Variants in ZC3H12B observed in about 807,000 individuals in gnomAD.
ZC3H12B encodes the protein zinc finger CCCH-type containing 12B, also known as probable ribonuclease ZC3H12B.
ZC3H12B carries 7 observed loss-of-function variants against 43.9 expected under a neutral mutation model. That is an observed-to-expected ratio of 0.16 (90% confidence interval 0.09 to 0.30). The LOEUF (loss-of-function observed/expected upper bound fraction) is 0.30, where lower values mean the gene tolerates loss of function less well. Ranked by LOEUF, ZC3H12B falls within the 10% of genes least tolerant of loss-of-function variation. The pLI is 1.00. For synonymous variants in ZC3H12B, 222 were observed against 241.7 expected (o/e 0.92, Z 0.76); for missense variants, 475 against 670.2 (o/e 0.71, Z 3.22).
At chrX:65,097,727 G>C in the ZC3H12B span, among the ~76,000 whole-genome samples, 1 of 111,988 alleles carries the variant, frequency 8.9e-6, no homozygotes, top group Admixed American at 9.5e-5. Context: ...GAATAGTCCT[G>C]CTTTTTCATC....
At chrX:65,246,909 A>T in the ZC3H12B span, among the ~76,000 whole-genome samples, 1 of 112,702 alleles carries the variant, frequency 8.9e-6, no homozygotes, top group African/African-American at 3.2e-5. Flanking sequence ...GACAAATGGG[A>T]CCTAGTTAAA....
the ZC3H12B span, among the ~76,000 whole-genome samples, chrX:65,141,341 A>C: frequency 9.1e-6 from 1 of 109,525 alleles, no homozygotes; most frequent in African/African-American, 3.3e-5. Flanking sequence ...TTACTTTTTA[A>C]ATTTAATTTA....
At chrX:65,349,520 A>C in the ZC3H12B span, among the ~76,000 whole-genome samples, 2 of 112,028 alleles carry the variant, frequency 1.8e-5, no homozygotes, top group African/African-American at 6.5e-5. Context: ...AGACCAGAGC[A>C]GAACTGAAGG....
chrX:65,496,083 C>A (rs1002267118), intron 1 of ZC3H12B, among the ~76,000 whole-genome samples: 5 of 111,612 alleles, frequency 4.5e-5, no homozygotes, highest in Non-Finnish European at 1.9e-5. Flanking sequence ...TCACACAGAA[C>A]AACAATATTT....
chrX:65,254,146 C>A, the ZC3H12B span, among the ~76,000 whole-genome samples: 4 of 112,324 alleles, frequency 3.6e-5, no homozygotes, highest in Non-Finnish European at 5.6e-5. Context: ...TCCACCCCCC[C>A]ACTGCCACTG....
At chrX:65,182,126 A>G in the ZC3H12B span, among the ~76,000 whole-genome samples, 5 of 111,495 alleles carry the variant, frequency 4.5e-5, no homozygotes, top group Non-Finnish European at 9.4e-5. Flanking sequence ...GCTGGAAGTC[A>G]TTATTCTCAA....
In ZC3H12B at chrX:65,376,251, C is replaced by T. The variant is rs368062646; in HGVS notation, n.295+7253C>T. On this transcript the variant is annotated intron_variant and non_coding_transcript_variant, in intron 2 of 5. Coordinates refer to the ZC3H12B transcript ENST00000617377. Reference sequence around the variant, plus strand: ...AGCATCTCATTGAGCACCAACTCAGCCATAGTACAATAGCACAGGTAGATT... The same window carrying T: ...AGCATCTCATTGAGCACCAACTCAGTCATAGTACAATAGCACAGGTAGATT... Among the ~76,000 whole-genome samples the T allele has an allele frequency of 6.2e-5, 7 of 112,258 alleles. No homozygotes were observed. In the East Asian group the frequency reaches 1.7e-3, roughly 27 times the overall value.
At chrX:65,189,202 G>T in the ZC3H12B span, among the ~76,000 whole-genome samples, 1 of 105,201 alleles carries the variant, frequency 9.5e-6, no homozygotes, top group East Asian at 3.0e-4. Flanking sequence ...ATCATTGTTG[G>T]ACATGTGGGT....
the ZC3H12B span, among the ~76,000 whole-genome samples, chrX:65,167,841 G>C: frequency 2.7e-5 from 3 of 111,556 alleles, no homozygotes; most frequent in Non-Finnish European, 5.7e-5. Context: ...CTCTCTATTT[G>C]TTATTGGTGT....
intron 3 of ZC3H12B, among the ~76,000 whole-genome samples, chrX:65,440,159 A>G (rs2148124490): frequency 9.0e-6 from 1 of 111,488 alleles, no homozygotes; most frequent in South Asian, 3.8e-4. Flanking sequence ...TAAAGCCTCC[A>G]GTTTTTCTTG....
the ZC3H12B span, among the ~76,000 whole-genome samples, chrX:65,117,462 A>C: frequency 4.5e-5 from 5 of 111,188 alleles, no homozygotes; most frequent in African/African-American, 1.3e-4. Context: ...TGGATATTAG[A>C]CCTTTGTCAG....
At chrX:65,099,991 G>T in the ZC3H12B span, among the ~76,000 whole-genome samples, 119 of 111,669 alleles carry the variant, frequency 1.1e-3, no homozygotes, top group Non-Finnish European at 1.6e-3. Flanking sequence ...CTTCACAAAA[G>T]GTTACAGAAA....
chrX:65,391,530 G>A (rs997042532), intron 2 of ZC3H12B, among the ~76,000 whole-genome samples: 19 of 111,161 alleles, frequency 1.7e-4, no homozygotes, highest in African/African-American at 5.9e-4. Context: ...GGTTGACTGA[G>A]GCTATGAGCC....
At chrX:65,329,223 G>T in the ZC3H12B span, among the ~76,000 whole-genome samples, 8,914 of 110,716 alleles carry the variant, frequency 0.081, 1,021 homozygotes, top group African/African-American at 0.29. Flanking sequence ...CTTTCCTGAC[G>T]TTTTAATGAT....
rs1369427846 is a variant in ZC3H12B, at chrX:65,460,554, A to G, written n.408-28092A>G. The stretch of plus-strand genomic sequence containing the variant: ...GAACAGAGCCCTCAGAAATAGTACC[A>G]CATATCTACAACAATCTGATCTTTG... On this transcript the variant is annotated intron_variant and non_coding_transcript_variant, in intron 3 of 5. Coordinates refer to the ZC3H12B transcript ENST00000617377. 1.7e-4 allele frequency among the ~76,000 whole-genome samples: 19 copies of G among 111,787 alleles called. No individual in the cohort carries two copies. The Admixed American group carries it at 1.8e-3, about 11-fold the overall frequency.
exon 5 of ZC3H12B, chrX:65,502,211 G>T (rs374928840): frequency 8.3e-7 from 1 of 1,209,165 alleles, no homozygotes; most frequent in African/African-American, 1.8e-5. Flanking sequence ...CCACCAGAAG[G>T]CCTCTTTGGA....
the ZC3H12B span, among the ~76,000 whole-genome samples, chrX:65,116,582 ATACTT>A: frequency 9.2e-6 from 1 of 109,076 alleles, no homozygotes; most frequent in African/African-American, 3.3e-5. Context: ...TTTTTTTATT[ATACTT>A]TAAGTTCTAG....
At chrX:65,115,434 T>G in the ZC3H12B span, among the ~76,000 whole-genome samples, 3 of 111,664 alleles carry the variant, frequency 2.7e-5, no homozygotes, top group Middle Eastern at 4.6e-3. Context: ...ATTTACCACA[T>G]TTTCTTTATC....
the ZC3H12B span, among the ~76,000 whole-genome samples, chrX:65,109,078 T>G: frequency 2.7e-5 from 3 of 111,696 alleles, no homozygotes; most frequent in Non-Finnish European, 5.7e-5. Context: ...ACTAGTACAA[T>G]TCAACATAAG....
Sources: allele counts gnomAD v4.1 joint callset (sites outside exome capture counted in the v4.1 genomes callset), GRCh38; gene constraint gnomAD v4.1.1; transcripts MANE v1.5; gene names NCBI Gene and HGNC (gene_info 2026-07-23, HGNC 2026-07-21).